Variants in MRPS28 observed in about 807,000 individuals in gnomAD.
MRPS28 encodes small ribosomal subunit protein bS1m.
MRPS28 carries 7 observed loss-of-function variants against 10.8 expected under a neutral mutation model. That is an observed-to-expected ratio of 0.65 (90% confidence interval 0.37 to 1.22). The LOEUF (loss-of-function observed/expected upper bound fraction) is 1.22, where lower values mean the gene tolerates loss of function less well. MRPS28 is among the 50% of genes most tolerant of loss of function. MRPS28 has a pLI of 0.02. For missense variants in MRPS28, 265 were observed against 232.9 expected (o/e 1.14, Z -0.90); for synonymous variants, 121 against 93.3 (o/e 1.30, Z -1.71).
At chr8:80,005,766 C>T (rs1191918909) in intron 1 of MRPS28, among the ~76,000 whole-genome samples, 1 of 151,992 alleles carries the variant, frequency 6.6e-6, no homozygotes, top group African/African-American at 2.4e-5. Context: ...CACACATAGG[C>T]TCAAAATAAA....
At chr8:79,945,271 A>G (rs187651307) in intron 2 of MRPS28, among the ~76,000 whole-genome samples, 4 of 152,352 alleles carry the variant, frequency 2.6e-5, no homozygotes, top group Admixed American at 2.6e-4. Context: ...GGGATGCACC[A>G]TAAGGCAATG....
In MRPS28 at chr8:79,918,780, C is replaced by T. The variant is rs550238322; in HGVS notation, c.*200G>A. Reference sequence around the variant, plus strand: ...CTTAGTACAGTGTATACTATCCCCACCAAAGGAAAAAAACATTAAGAGCAA... The same window carrying T: ...CTTAGTACAGTGTATACTATCCCCATCAAAGGAAAAAAACATTAAGAGCAA... On this transcript the variant is annotated 3_prime_UTR_variant, in exon 3 of 3. Transcript: ENST00000276585. 188 of 267,132 alleles carry T rather than the reference C, an allele frequency of 7.0e-4. 1 individual carries two copies. The highest frequency in any genetic ancestry group is 4.8e-3 in the African/African-American group (171 of 35,748). 16.5% of individuals were successfully genotyped at this position (267,132 alleles called of 1,614,324 possible).
chr8:79,980,391 T>A (rs1199066269), intron 2 of MRPS28, among the ~76,000 whole-genome samples: 1 of 152,214 alleles, frequency 6.6e-6, no homozygotes, highest in African/African-American at 2.4e-5. Context: ...CTAATAAATG[T>A]TGGCTATAAT....
chr8:80,005,351 A>G lies in MRPS28; in HGVS notation c.214-2171T>C, dbSNP rs1439913508. 2.6e-5 allele frequency among the ~76,000 whole-genome samples: 4 copies of G among 152,186 alleles called. No individual in the cohort carries two copies. The East Asian group carries it at 5.8e-4, about 22-fold the overall frequency. On this transcript the variant is annotated intron_variant, in intron 1 of 2. Transcript: ENST00000276585. ...AATATTCAACATTCTTAAAGAAAAGAATTTTCAACACAGAATTTCATATCC... is the reference window on the plus strand; with the variant it reads ...AATATTCAACATTCTTAAAGAAAAGGATTTTCAACACAGAATTTCATATCC...
At chr8:80,012,567 C>A (rs983318785) in intron 1 of MRPS28, among the ~76,000 whole-genome samples, 1 of 152,162 alleles carries the variant, frequency 6.6e-6, no homozygotes, top group Non-Finnish European at 1.5e-5. Flanking sequence ...CAGTGCCTAA[C>A]CCTGGAAAAT....
intron 2 of MRPS28, among the ~76,000 whole-genome samples, chr8:79,920,624 C>CT (rs1375548213): frequency 3.9e-5 from 6 of 152,172 alleles, no homozygotes; most frequent in Admixed American, 6.5e-5. Context: ...CCTTCATCCA[C>CT]TTTTTGATGG....
chr8:79,988,460 A>G (rs1808260526), intron 2 of MRPS28, among the ~76,000 whole-genome samples: 1 of 151,194 alleles, frequency 6.6e-6, no homozygotes, highest in South Asian at 2.1e-4. Context: ...AAAAAATTAA[A>G]AAAAGAAAGA....
intron 2 of MRPS28, among the ~76,000 whole-genome samples, chr8:79,933,414 C>T (rs1806519870): frequency 6.6e-6 from 1 of 152,228 alleles, no homozygotes; most frequent in Admixed American, 6.5e-5. Context: ...TTTATTACTT[C>T]CTTACAGGTT....
intron 2 of MRPS28, among the ~76,000 whole-genome samples, chr8:79,993,372 A>G (rs1178373214): frequency 1.3e-5 from 2 of 152,228 alleles, no homozygotes; most frequent in Non-Finnish European, 2.9e-5. Context: ...AGAGCTATAC[A>G]TATGTGAATA....
chr8:79,947,698 G>A (rs546151295), intron 2 of MRPS28, among the ~76,000 whole-genome samples: 129 of 140,490 alleles, frequency 9.2e-4, no homozygotes, highest in African/African-American at 2.8e-3. Flanking sequence ...GCAGTGGCGC[G>A]ATCTCAGGTT....
intron 2 of MRPS28, among the ~76,000 whole-genome samples, chr8:79,934,255 G>A (rs9298333): frequency 0.7 from 106,425 of 151,998 alleles, 37,301 homozygotes; most frequent in East Asian, 0.86. Context: ...TTGACTAGAT[G>A]TCTATGGTTC....
At chr8:79,944,694 C>CTTTTT (rs1563522576) in intron 2 of MRPS28, among the ~76,000 whole-genome samples, 6 of 63,292 alleles carry the variant, frequency 9.5e-5, no homozygotes, top group Non-Finnish European at 1.1e-4. Context: ...TTTTCTTTTT[C>CTTTTT]TTTTTTCTTT....
chr8:79,925,453 T>C (rs535691864), intron 2 of MRPS28, among the ~76,000 whole-genome samples: 2 of 152,306 alleles, frequency 1.3e-5, no homozygotes, highest in South Asian at 2.1e-4. Flanking sequence ...CTACTATGAA[T>C]ATATAATTTT....
chr8:80,029,756 G>C (rs2130269355), intron 1 of MRPS28: 1 of 1,483,182 alleles, frequency 6.7e-7, no homozygotes, highest in Admixed American at 2.0e-5. Context: ...CTCCCCGCTG[G>C]TTACCTTCCC....
At chr8:79,932,271 A>G (rs1806483082) in intron 2 of MRPS28, among the ~76,000 whole-genome samples, 1 of 152,212 alleles carries the variant, frequency 6.6e-6, no homozygotes, top group African/African-American at 2.4e-5. Flanking sequence ...TGTACAGAAA[A>G]TAAAAATAAA....
At chr8:80,005,426 A>T (rs900808711) in intron 1 of MRPS28, among the ~76,000 whole-genome samples, 7 of 152,142 alleles carry the variant, frequency 4.6e-5, no homozygotes, top group South Asian at 2.1e-4. Context: ...CTTTACAGAC[A>T]AGCAAATGCT....
At chr8:79,997,225 T>C (rs1808523572) in intron 2 of MRPS28, among the ~76,000 whole-genome samples, 1 of 152,196 alleles carries the variant, frequency 6.6e-6, no homozygotes, top group South Asian at 2.1e-4. Context: ...TAAATTACCA[T>C]ACAAGCCCTC....
intron 2 of MRPS28, among the ~76,000 whole-genome samples, chr8:79,936,913 T>G (rs1177015064): frequency 6.6e-6 from 1 of 152,208 alleles, no homozygotes; most frequent in Non-Finnish European, 1.5e-5. Context: ...CAGGCTGGGG[T>G]GCAGTGGTGC....
chr8:80,029,048 G>C (rs1449255767), intron 1 of MRPS28, among the ~76,000 whole-genome samples: 1 of 152,138 alleles, frequency 6.6e-6, no homozygotes, highest in African/African-American at 2.4e-5. Flanking sequence ...TCTCCTAGAA[G>C]CTACGGAAAA....
Sources: allele counts gnomAD v4.1 joint callset (sites outside exome capture counted in the v4.1 genomes callset), GRCh38; gene constraint gnomAD v4.1.1; transcripts MANE v1.5; gene names NCBI Gene and HGNC (gene_info 2026-07-23, HGNC 2026-07-21).